The following MYCBP2 variants were observed in gnomAD, a reference collection of about 807,000 sequenced individuals.
The protein encoded by MYCBP2 is MYC binding protein 2.
In MYCBP2, 120 loss-of-function variants were observed where a neutral mutation model predicts 525.3. That is an observed-to-expected ratio of 0.23 (90% CI 0.20 to 0.27). The LOEUF (loss-of-function observed/expected upper bound fraction) is 0.27. MYCBP2 is among the 10% of genes least tolerant of loss of function. The pLI is 1.00. For synonymous variants in MYCBP2, 1,894 were observed against 1,955.8 expected (o/e 0.97, Z 0.83); for missense variants, 4,149 against 5,657.1 (o/e 0.73, Z 8.55).
At chr13:77,047,929 G>C (rs1399813192) in intron 82 of MYCBP2, among the ~76,000 whole-genome samples, 1 of 151,900 alleles carries the variant, frequency 6.6e-6, no homozygotes, top group African/African-American at 2.4e-5. Context: ...TCCTGTTTGG[G>C]CCCCCCTCTC....
intron 44 of MYCBP2, among the ~76,000 whole-genome samples, chr13:77,159,732 G>A (rs116561007): frequency 0.022 from 3,368 of 152,104 alleles, 57 homozygotes; most frequent in Middle Eastern, 0.075. Context: ...TAAGTTTCCT[G>A]AGGCCTCCTC....
intron 8 of MYCBP2, among the ~76,000 whole-genome samples, chr13:77,264,291 C>T (rs933612868): frequency 6.6e-6 from 1 of 152,010 alleles, no homozygotes; most frequent in East Asian, 1.9e-4. Flanking sequence ...ACATGCACCA[C>T]GATGAACAAA....
chr13:77,271,840 C>T (rs1288586558), intron 5 of MYCBP2, among the ~76,000 whole-genome samples: 1 of 152,194 alleles, frequency 6.6e-6, no homozygotes, highest in Non-Finnish European at 1.5e-5. Flanking sequence ...TTAATGCACA[C>T]ATTCTCAGGG....
chr13:77,127,847 T>C (rs1435049550), intron 52 of MYCBP2, among the ~76,000 whole-genome samples: 1 of 151,898 alleles, frequency 6.6e-6, no homozygotes, highest in Admixed American at 6.6e-5. Flanking sequence ...TCAGGGAAAA[T>C]GTTAAAGTCA....
rs150148665 is a variant in MYCBP2 at position 77,045,711 on chromosome 13, G to A, written c.13922-218C>T. ...TATGTACAATGGAAGAAGTGATGGGGTCCCTTACTCACTATATCCTGCCTA... is the reference window on the plus strand; with the variant it reads ...TATGTACAATGGAAGAAGTGATGGGATCCCTTACTCACTATATCCTGCCTA... On this transcript the variant is annotated intron_variant, in intron 82 of 82. Coordinates refer to ENST00000544440, the MANE Select transcript of MYCBP2 (RefSeq NM_015057.5). 8.0e-3 allele frequency among the ~76,000 whole-genome samples: 1,217 copies of A among 152,192 alleles called. 15 individuals carry two copies. The highest frequency in any genetic ancestry group is 0.011 in the Non-Finnish European group (768 of 68,008).
rs895710807 is a variant in MYCBP2, at chr13:77,045,063, G to T, written c.*315C>A. The T allele has an allele frequency of 1.2e-5, 5 of 410,756 alleles. No individual in the cohort carries two copies. In the East Asian group the frequency reaches 1.4e-4, roughly 11 times the overall value. The allele number at this position is 410,756 out of a possible 1,614,324, so 25.4% of individuals were successfully genotyped here. Reference sequence around the variant, plus strand: ...AAGCCAGCATCGTTCTTAGTCCATGGGCATGGCGATTCTTTTATATCAATT... The same window carrying T: ...AAGCCAGCATCGTTCTTAGTCCATGTGCATGGCGATTCTTTTATATCAATT... On this transcript the variant is annotated 3_prime_UTR_variant, in exon 83 of 83. Transcript: ENST00000544440.
intron 47 of MYCBP2, among the ~76,000 whole-genome samples, chr13:77,150,460 T>G (rs1350140783): frequency 6.6e-6 from 1 of 152,152 alleles, no homozygotes; most frequent in Non-Finnish European, 1.5e-5. Context: ...ACAAGTACTT[T>G]CACAGGAACT....
chr13:77,238,748 C>T (rs1483631464), intron 17 of MYCBP2, among the ~76,000 whole-genome samples: 3 of 152,168 alleles, frequency 2.0e-5, no homozygotes, highest in African/African-American at 7.2e-5. Flanking sequence ...TTCAATAACA[C>T]ATTCCATTAT....
intron 52 of MYCBP2, among the ~76,000 whole-genome samples, chr13:77,131,487 A>AACAC (rs369448891): frequency 0.025 from 3,364 of 136,172 alleles, 56 homozygotes; most frequent in Middle Eastern, 0.086. Context: ...CTTCATCTCA[A>AACAC]ACACACACAC....
intron 3 of MYCBP2, among the ~76,000 whole-genome samples, chr13:77,281,466 T>C (rs2076182248): frequency 1.3e-5 from 2 of 152,126 alleles, no homozygotes; most frequent in South Asian, 4.1e-4. Context: ...GAAGCTTCAA[T>C]ACTTTCCATA....
intron 68 of MYCBP2, 105 bp downstream of exon 68, chr13:77,076,646 A>C (rs183712042): frequency 3.1e-6 from 2 of 647,854 alleles, no homozygotes; most frequent in Non-Finnish European, 5.2e-6. Flanking sequence ...AACTGCATAA[A>C]ACTGTTATTA....
intron 20 of MYCBP2, among the ~76,000 whole-genome samples, chr13:77,221,818 G>A (rs181804737): frequency 3.3e-5 from 5 of 152,240 alleles, no homozygotes. Flanking sequence ...CAGCATCCAT[G>A]GGGAATTGGT....
At chr13:77,054,759 CCTGT>C (rs2037550361) in intron 80 of MYCBP2, among the ~76,000 whole-genome samples, 1 of 152,048 alleles carries the variant, frequency 6.6e-6, no homozygotes, top group Non-Finnish European at 1.5e-5. Flanking sequence ...TGCCAACCTA[CCTGT>C]CTAATTTTTG....
intron 47 of MYCBP2, 24 bp from the exon 48 acceptor site, chr13:77,146,241 A>C: frequency 6.6e-7 from 1 of 1,513,502 alleles, no homozygotes; most frequent in Non-Finnish European, 9.0e-7. Flanking sequence ...ACCAGTCTGA[A>C]CAATCGTAAA....
chr13:77,127,240 T>C (rs928846661), intron 52 of MYCBP2, among the ~76,000 whole-genome samples: 2 of 151,972 alleles, frequency 1.3e-5, no homozygotes, highest in African/African-American at 4.8e-5. Flanking sequence ...ATATTTTTAG[T>C]AGAAAGGAGA....
intron 38 of MYCBP2, among the ~76,000 whole-genome samples, chr13:77,170,194 C>T (rs1224101847): frequency 6.6e-6 from 1 of 152,178 alleles, no homozygotes; most frequent in Non-Finnish European, 1.5e-5. Context: ...ATATGTAAAA[C>T]ACTTAGAACA....
rs766181651 is a variant in MYCBP2, at chr13:77,326,468, A to G, written c.302+6T>C. The stretch of plus-strand genomic sequence containing the variant: ...GGGCGCAAGGAAGGGCACCCTGGGG[A>G]CGCACCTGGAGGCTGGGTGTCCAGC... On this transcript the variant is annotated splice_donor_region_variant and intron_variant, in intron 1 of 82. Coordinates refer to ENST00000544440, the MANE Select transcript of MYCBP2 (RefSeq NM_015057.5). This position sits in a 1 kb window ranked among gnomAD's most constrained non-coding sequence, Gnocchi z 4.2. 1.9e-6 allele frequency: 3 copies of G among 1,550,230 alleles called. No individual in the cohort carries two copies. Among genetic ancestry groups the G allele is most frequent in the Non-Finnish European group, 2.6e-6 (3 of 1,152,670 alleles).
At chr13:77,149,577 C>G (rs2056152981) in intron 47 of MYCBP2, among the ~76,000 whole-genome samples, 1 of 152,094 alleles carries the variant, frequency 6.6e-6, no homozygotes, top group Admixed American at 6.6e-5. Context: ...TTCTTGAGGT[C>G]AGACTGTGAT....
chr13:77,307,353 A>G (rs962978055), intron 1 of MYCBP2, among the ~76,000 whole-genome samples: 37 of 151,900 alleles, frequency 2.4e-4, no homozygotes, highest in Non-Finnish European at 7.4e-5. Flanking sequence ...TCATTCTCCA[A>G]TTCAAAAGGG....
Sources: allele counts gnomAD v4.1 joint callset (sites outside exome capture counted in the v4.1 genomes callset), GRCh38; gene constraint gnomAD v4.1.1; non-coding constraint Gnocchi (gnomAD v3.1); transcripts MANE v1.5; gene names NCBI Gene and HGNC (gene_info 2026-07-23, HGNC 2026-07-21).